DIP2C: variants seen among roughly 807,000 people sequenced by gnomAD.
DIP2C encodes the protein DIP2 acetate--CoA ligase C (putative), also known as disco-interacting protein 2 homolog C.
In DIP2C, 33 loss-of-function variants were observed where a neutral mutation model predicts 192.4. That is an observed-to-expected ratio of 0.17 (90% CI 0.13 to 0.23). The LOEUF (loss-of-function observed/expected upper bound fraction) is 0.23. Ranked by LOEUF, DIP2C falls within the 10% of genes least tolerant of loss-of-function variation. The probability of loss-of-function intolerance (pLI) is 1.00; values close to 1 mark genes in which losing one functional copy is unlikely to be tolerated. For synonymous variants in DIP2C, 979 were observed against 864.1 expected, an observed-to-expected ratio of 1.13 and a Z score of -2.33; for missense variants, 1,537 against 2,110.1, an observed-to-expected ratio of 0.73 and a Z score of 5.32.
rs1425878999 is a variant in DIP2C, at chr10:449,929, AAAAAAAAG to A, written c.269-8941_269-8934del. On this transcript the variant is annotated intron_variant, in intron 3 of 36. Coordinates refer to ENST00000280886, the MANE Select transcript of DIP2C (RefSeq NM_014974.3). Reference sequence around the variant, plus strand: ...TTTCAGTCAACAACAACAAAAAAAAAAAAAAAAGAAAATCTGAGAACAAGATATCATTG... The same window carrying A: ...TTTCAGTCAACAACAACAAAAAAAAAAAAATCTGAGAACAAGATATCATTG... Among the ~76,000 whole-genome samples the A allele has an allele frequency of 6.1e-3, 913 of 149,940 alleles. 11 individuals are homozygous for A. Among genetic ancestry groups the A allele is most frequent in the African/African-American group, 0.022 (881 of 39,700 alleles).
At chr10:575,501 C>T (rs377690723) in intron 1 of DIP2C, among the ~76,000 whole-genome samples, 19 of 152,166 alleles carry the variant, frequency 1.2e-4, no homozygotes, top group African/African-American at 3.4e-4. Context: ...CTCTCAACTT[C>T]GACAGCGAGC....
rs1966284964 is a variant in DIP2C at position 422,758 on chromosome 10, A to AG, written c.604+65dup. 3 of 1,530,474 alleles carry AG rather than the reference A, an allele frequency of 2.0e-6. No homozygotes were observed. The African/African-American group carries it at 4.1e-5, about 21-fold the overall frequency. The allele number at this position is 1,530,474 out of a possible 1,614,324, so 94.8% of individuals were successfully genotyped here. ...GGGATTCCGCTGCAACGATGCAAACAGAGAATGTGCACACACAAAGGCGTT... is the reference window on the plus strand; with the variant it reads ...GGGATTCCGCTGCAACGATGCAAACAGGAGAATGTGCACACACAAAGGCGTT... On this transcript the variant is annotated intron_variant, in intron 5 of 36. Coordinates refer to ENST00000280886, the MANE Select transcript of DIP2C (RefSeq NM_014974.3).
chr10:474,004 A>T (rs1352860044), intron 2 of DIP2C, among the ~76,000 whole-genome samples: 1 of 152,176 alleles, frequency 6.6e-6, no homozygotes, highest in African/African-American at 2.4e-5. Context: ...CTTTTCTTTC[A>T]GGGCATCCAA....
intron 4 of DIP2C, among the ~76,000 whole-genome samples, chr10:435,313 T>C (rs1220299332): frequency 1.3e-5 from 2 of 152,158 alleles, no homozygotes; most frequent in East Asian, 1.9e-4. Flanking sequence ...TAGTTAAGAG[T>C]GCTCCTGCAT....
intron 1 of DIP2C, among the ~76,000 whole-genome samples, chr10:509,281 G>A (rs1011246673): frequency 3.3e-5 from 5 of 152,136 alleles, no homozygotes; most frequent in African/African-American, 9.7e-5. Flanking sequence ...CGCACGCACC[G>A]ATATCTTCAG....
intron 1 of DIP2C, among the ~76,000 whole-genome samples, chr10:605,056 T>C (rs547597852): frequency 3.3e-5 from 5 of 152,208 alleles, no homozygotes; most frequent in African/African-American, 4.8e-5. Flanking sequence ...CACTGCAACC[T>C]TGGAGTTTAC....
In DIP2C at chr10:351,220, C is replaced by T. The variant is rs772352036; in HGVS notation, c.2986-1766G>A. On this transcript the variant is annotated intron_variant, in intron 24 of 36. Transcript: ENST00000280886. ...AACAGTATCTGGGGCTATTCATCGG[C>T]GATGCTGGGAAAAGCACGTCAGCCT... is the stretch of plus-strand genomic sequence containing the variant. 2.0e-5 allele frequency among the ~76,000 whole-genome samples: 3 copies of T among 152,278 alleles called. No individual in the cohort carries two copies. The East Asian group carries it at 5.8e-4, about 29-fold the overall frequency.
chr10:484,408 C>CAT (rs1426815134), intron 2 of DIP2C, among the ~76,000 whole-genome samples: 2 of 152,326 alleles, frequency 1.3e-5, no homozygotes, highest in East Asian at 3.9e-4. Context: ...GGCCAAGACC[C>CAT]ATCAGCTCAT....
intron 1 of DIP2C, among the ~76,000 whole-genome samples, chr10:530,066 C>A (rs1417632879): frequency 6.6e-6 from 1 of 152,266 alleles, no homozygotes; most frequent in Admixed American, 6.5e-5. Flanking sequence ...GCTCTGCACA[C>A]GATGCCGAGT....
chr10:482,189 C>T (rs1228330169), intron 2 of DIP2C, among the ~76,000 whole-genome samples: 1 of 152,102 alleles, frequency 6.6e-6, no homozygotes, highest in South Asian at 2.1e-4. Context: ...GCATGGCTGT[C>T]GGGAGGGACA....
intron 1 of DIP2C, among the ~76,000 whole-genome samples, chr10:537,608 G>A (rs11253065): frequency 0.1 from 14,978 of 149,852 alleles, 961 homozygotes; most frequent in African/African-American, 0.17. Flanking sequence ...CCCAGGACAC[G>A]GGTATCACCC....
chr10:511,959 A>G (rs1846042037), intron 1 of DIP2C, among the ~76,000 whole-genome samples: 1 of 152,172 alleles, frequency 6.6e-6, no homozygotes, highest in South Asian at 2.1e-4. Flanking sequence ...CTGCGGGAGA[A>G]GAGCCTCTGG....
At chr10:427,024 A>G (rs976086402) in intron 4 of DIP2C, among the ~76,000 whole-genome samples, 1 of 152,268 alleles carries the variant, frequency 6.6e-6, no homozygotes, top group Non-Finnish European at 1.5e-5. Context: ...CTAAGTTTTA[A>G]AAGATGATTA....
At chr10:554,980 G>C (rs974283867) in intron 1 of DIP2C, among the ~76,000 whole-genome samples, 1 of 152,106 alleles carries the variant, frequency 6.6e-6, no homozygotes, top group Admixed American at 6.5e-5. Context: ...TTTGTATATG[G>C]AGTCTCACAG....
intron 31 of DIP2C, among the ~76,000 whole-genome samples, chr10:316,708 T>G (rs1956789205): frequency 6.6e-6 from 1 of 152,214 alleles, no homozygotes; most frequent in South Asian, 2.1e-4. Flanking sequence ...CAGGAGCCCC[T>G]GCCTTTTGCA....
chr10:457,064 G>C (rs1193673773), intron 3 of DIP2C, among the ~76,000 whole-genome samples: 2 of 151,960 alleles, frequency 1.3e-5, no homozygotes, highest in Non-Finnish European at 2.9e-5. Flanking sequence ...CTCCAATTAC[G>C]GCACAATGGT....
At chr10:540,326 T>TTCA (rs1308188772) in intron 1 of DIP2C, among the ~76,000 whole-genome samples, 7 of 152,260 alleles carry the variant, frequency 4.6e-5, no homozygotes, top group Non-Finnish European at 1.0e-4. Context: ...ATCTCAGGTG[T>TTCA]GTTTGAGGGC....
chr10:440,939 G>A lies in DIP2C; in HGVS notation c.326C>T (p.Ala109Val), dbSNP rs1402214939. The stretch of plus-strand genomic sequence containing the variant: ...CCTGCGTTTGGAAGGCATAGGCACT[G>A]CCATCTTCCGCTCTTTGTGTTTGGC... ...ALAKHKERKM[A>V]VPMPSKRRSL... The change falls in exon 4 of 37, where the codon GCA (alanine) becomes GTA (valine). Residue 109 changes from alanine (A) to valine (V), a missense_variant. Transcript: ENST00000280886. The A allele has an allele frequency of 6.2e-7, 1 of 1,613,856 alleles. No individual in the cohort carries two copies. Among genetic ancestry groups the A allele is most frequent in the South Asian group, 1.1e-5 (1 of 91,088 alleles).
At chr10:630,533 T>G (rs996019230) in intron 1 of DIP2C, 1 of 152,248 alleles carries the variant, frequency 6.6e-6, no homozygotes, top group Non-Finnish European at 1.5e-5. Flanking sequence ...CTTGAAATAA[T>G]GGTGAAATTT....
Sources: allele counts gnomAD v4.1 joint callset (sites outside exome capture counted in the v4.1 genomes callset), GRCh38; gene constraint gnomAD v4.1.1; transcripts MANE v1.5; gene names NCBI Gene and HGNC (gene_info 2026-07-23, HGNC 2026-07-21).